Variants in CNTN5 observed in about 807,000 individuals in gnomAD.
CNTN5 encodes the protein contactin 5.
Under a neutral mutation model 129.1 loss-of-function variants are expected in CNTN5, and 77 were observed. The observed-to-expected ratio is 0.60, with a 90% CI of 0.50 to 0.72. The LOEUF is 0.72. CNTN5 is among the 30% of genes least tolerant of loss of function. The pLI is 0.00. For missense variants in CNTN5, 1,478 were observed against 1,328.8 expected, an observed-to-expected ratio of 1.11 and a Z score of -1.75; for synonymous variants, 509 against 465.6, an observed-to-expected ratio of 1.09 and a Z score of -1.20.
At chr11:99,036,983 T>C (rs2135119607) in intron 1 of CNTN5, among the ~76,000 whole-genome samples, 1 of 152,290 alleles carries the variant, frequency 6.6e-6, no homozygotes, top group South Asian at 2.1e-4. Context: ...TGCCAGATTT[T>C]ATAAGAAATA....
At chr11:99,535,692 CA>C (rs1947874615) in intron 2 of CNTN5, among the ~76,000 whole-genome samples, 1 of 152,084 alleles carries the variant, frequency 6.6e-6, no homozygotes, top group African/African-American at 2.4e-5. Context: ...AATGAATAGA[CA>C]GCAAAGTAGA....
chr11:99,761,143 G>A (rs1297682192), intron 3 of CNTN5, among the ~76,000 whole-genome samples: 1 of 152,076 alleles, frequency 6.6e-6, no homozygotes, highest in East Asian at 1.9e-4. Context: ...TGGGTAAAAC[G>A]TGATAAGAAC....
chr11:99,229,857 T>A (rs2135725244), intron 1 of CNTN5, among the ~76,000 whole-genome samples: 1 of 152,192 alleles, frequency 6.6e-6, no homozygotes, highest in East Asian at 1.9e-4. Flanking sequence ...GGTTTGCTTT[T>A]CTTTAAAAAA....
intron 2 of CNTN5, among the ~76,000 whole-genome samples, chr11:99,554,945 C>A (rs1045285424): frequency 4.6e-5 from 7 of 151,832 alleles, no homozygotes; most frequent in Admixed American, 1.3e-4. Context: ...TGAAAAAATT[C>A]TTTTGTTTAG....
chr11:99,471,716 A>T (rs1007721686), intron 2 of CNTN5, among the ~76,000 whole-genome samples: 1 of 152,120 alleles, frequency 6.6e-6, no homozygotes, highest in Non-Finnish European at 1.5e-5. Context: ...TAAGTACCCA[A>T]GATGGGCCAT....
At chr11:99,758,063 G>A (rs1244877006) in intron 3 of CNTN5, among the ~76,000 whole-genome samples, 2 of 151,964 alleles carry the variant, frequency 1.3e-5, no homozygotes, top group African/African-American at 4.8e-5. Flanking sequence ...TGAAAGTGTT[G>A]TCATACTGTT....
At chr11:99,034,279 C>A (rs1382345664) in intron 1 of CNTN5, among the ~76,000 whole-genome samples, 1 of 152,112 alleles carries the variant, frequency 6.6e-6, no homozygotes, top group Non-Finnish European at 1.5e-5. Context: ...TGATGCTGGC[C>A]TCATACAATG....
chr11:100,034,578 G>T (rs1314697556), intron 9 of CNTN5, among the ~76,000 whole-genome samples: 1 of 152,112 alleles, frequency 6.6e-6, no homozygotes, highest in Non-Finnish European at 1.5e-5. Context: ...CTAAACCAAA[G>T]TCTTACAAAC....
intron 1 of CNTN5, among the ~76,000 whole-genome samples, chr11:99,035,659 T>C (rs1354223140): frequency 6.6e-6 from 1 of 151,724 alleles, no homozygotes; most frequent in Non-Finnish European, 1.5e-5. Flanking sequence ...TGAGCCTATG[T>C]GTGTCTCTGC....
At chr11:99,049,260 A>C (rs1309990939) in intron 1 of CNTN5, among the ~76,000 whole-genome samples, 1 of 152,184 alleles carries the variant, frequency 6.6e-6, no homozygotes, top group Non-Finnish European at 1.5e-5. Context: ...CAATTGACGT[A>C]ATTGTAGCAA....
rs142554847 is a variant in CNTN5 at position 99,687,903 on chromosome 11, A to C, written c.55+131634A>C. ...ATATTCCCAGTCTTTTTTTGCATCA[A>C]TTCTCATGCCTATATTTAATATTTA... On this transcript the variant is annotated intron_variant, in intron 3 of 24. Transcript: ENST00000524871. 5.1e-3 allele frequency among the ~76,000 whole-genome samples: 783 copies of C among 152,246 alleles called. 7 individuals carry two copies. Among genetic ancestry groups the C allele is most frequent in the African/African-American group, 0.017 (720 of 41,554 alleles).
chr11:99,217,385 T>A (rs185684905), intron 1 of CNTN5, among the ~76,000 whole-genome samples: 12 of 152,260 alleles, frequency 7.9e-5, no homozygotes, highest in African/African-American at 2.9e-4. Flanking sequence ...TGAGATATCA[T>A]CTCACCTCAG....
chr11:100,200,382 T>C (rs1050308055), intron 15 of CNTN5, among the ~76,000 whole-genome samples: 1 of 151,978 alleles, frequency 6.6e-6, no homozygotes, highest in Non-Finnish European at 1.5e-5. Context: ...CTGAACTTTG[T>C]TCATCTAAAT....
intron 4 of CNTN5, among the ~76,000 whole-genome samples, chr11:99,839,983 C>A (rs182118392): frequency 1.5e-3 from 224 of 152,012 alleles, no homozygotes; most frequent in African/African-American, 5.2e-3. Context: ...AAAAGGCCAA[C>A]TGAGTCACAG....
intron 1 of CNTN5, among the ~76,000 whole-genome samples, chr11:99,042,550 T>C (rs1864039190): frequency 6.6e-6 from 1 of 151,842 alleles, no homozygotes; most frequent in African/African-American, 2.4e-5. Flanking sequence ...TAATTTTTTG[T>C]ATTTTCAGTA....
At chr11:99,222,979 T>G (rs1860475487) in intron 1 of CNTN5, among the ~76,000 whole-genome samples, 1 of 152,160 alleles carries the variant, frequency 6.6e-6, no homozygotes, top group South Asian at 2.1e-4. Context: ...TCAATAGTGA[T>G]CATGGCCCTC....
intron 2 of CNTN5, among the ~76,000 whole-genome samples, chr11:99,366,045 C>T (rs1939424423): frequency 6.6e-6 from 1 of 152,146 alleles, no homozygotes; most frequent in Non-Finnish European, 1.5e-5. Context: ...CCCTGAGGCT[C>T]CAGCATCCCA....
chr11:99,939,512 A>G (rs1211190043), intron 7 of CNTN5, among the ~76,000 whole-genome samples: 1 of 151,990 alleles, frequency 6.6e-6, no homozygotes, highest in Non-Finnish European at 1.5e-5. Context: ...CAACTGAAAA[A>G]CTCTTTTAAT....
chr11:99,103,146 T>G (rs2135356985), intron 1 of CNTN5, among the ~76,000 whole-genome samples: 1 of 152,248 alleles, frequency 6.6e-6, no homozygotes, highest in South Asian at 2.1e-4. Flanking sequence ...ACCCCAGTGG[T>G]TTATCTCCCA....
Sources: allele counts gnomAD v4.1 joint callset (sites outside exome capture counted in the v4.1 genomes callset), GRCh38; gene constraint gnomAD v4.1.1; transcripts MANE v1.5; gene names NCBI Gene and HGNC (gene_info 2026-07-23, HGNC 2026-07-21).